MARCHF6: variants seen among roughly 807,000 people sequenced by gnomAD.
The protein encoded by MARCHF6 is E3 ubiquitin-protein ligase MARCHF6.
MARCHF6 carries 31 observed loss-of-function variants against 133.7 expected under a neutral mutation model. The ratio of observed to expected loss-of-function variants is 0.23; its 90% CI spans 0.17 to 0.31. MARCHF6 has a LOEUF of 0.31. Among genes scored for constraint, MARCHF6 ranks in the 10% least tolerant of loss-of-function variants. MARCHF6 has a pLI of 1.00. For missense variants in MARCHF6, 723 were observed against 1,121.6 expected, an observed-to-expected ratio of 0.64 and a Z score of 5.08; for synonymous variants, 395 against 402.5, an observed-to-expected ratio of 0.98 and a Z score of 0.22.
At chr5:10,419,566 A>T (rs761531945) in intron 22 of MARCHF6, among the ~76,000 whole-genome samples, 2 of 151,722 alleles carry the variant, frequency 1.3e-5, no homozygotes, top group Admixed American at 6.6e-5. Flanking sequence ...TAAGAGCCGT[A>T]TTCCAGAGTA....
chr5:10,381,110 G>A (rs766576188), intron 3 of MARCHF6, among the ~76,000 whole-genome samples: 1 of 152,002 alleles, frequency 6.6e-6, no homozygotes, highest in Non-Finnish European at 1.5e-5. Flanking sequence ...TGTTCTTTCC[G>A]AGCTACCTGT....
At chr5:10,371,038 T>C (rs1200517674) in intron 1 of MARCHF6, among the ~76,000 whole-genome samples, 2 of 152,206 alleles carry the variant, frequency 1.3e-5, no homozygotes, top group African/African-American at 4.8e-5. Context: ...GAGAGTACTC[T>C]TGGAATTGGG....
chr5:10,390,105 A>G (rs867393137), intron 5 of MARCHF6, among the ~76,000 whole-genome samples: 2 of 152,196 alleles, frequency 1.3e-5, no homozygotes, highest in African/African-American at 2.4e-5. Context: ...AATAAAATAC[A>G]TAATACAAGT....
chr5:10,372,405 C>A (rs1265082216), intron 1 of MARCHF6, among the ~76,000 whole-genome samples: 8 of 152,088 alleles, frequency 5.3e-5, no homozygotes, highest in Non-Finnish European at 1.0e-4. Context: ...TTAATCCATT[C>A]ATTAGAATTT....
At chr5:10,357,861 A>T (rs900390821) in intron 1 of MARCHF6, among the ~76,000 whole-genome samples, 1 of 152,228 alleles carries the variant, frequency 6.6e-6, no homozygotes, top group Non-Finnish European at 1.5e-5. Flanking sequence ...GCTTAAGACA[A>T]AATAAACATG....
chr5:10,363,636 A>C (rs1735954903), intron 1 of MARCHF6, among the ~76,000 whole-genome samples: 1 of 152,228 alleles, frequency 6.6e-6, no homozygotes, highest in South Asian at 2.1e-4. Context: ...AAGAGAATTC[A>C]AAAAATATAT....
chr5:10,388,328 G>A (rs1737612075), intron 5 of MARCHF6, among the ~76,000 whole-genome samples: 2 of 152,020 alleles, frequency 1.3e-5, no homozygotes, highest in South Asian at 4.2e-4. Context: ...CTTTTTTTCT[G>A]AGTAATGTTT....
intron 2 of MARCHF6, among the ~76,000 whole-genome samples, chr5:10,378,172 T>C (rs1466706962): frequency 6.6e-6 from 1 of 152,212 alleles, no homozygotes; most frequent in Non-Finnish European, 1.5e-5. Flanking sequence ...ATGGAGAGCT[T>C]ATTTTGTCCT....
At chr5:10,375,729 A>C (rs1413761253) in intron 1 of MARCHF6, among the ~76,000 whole-genome samples, 1 of 152,012 alleles carries the variant, frequency 6.6e-6, no homozygotes, top group Admixed American at 6.5e-5. Context: ...ACCAGTTGAC[A>C]CTCTGTATCT....
Position 10,435,388 on chromosome 5 carries a change from A to G in MARCHF6, c.*1704A>G, listed in dbSNP as rs563770291. 7.2e-5 allele frequency: 11 copies of G among 151,768 alleles called. No individual in the cohort carries two copies. Among genetic ancestry groups the G allele is most frequent in the African/African-American group, 2.7e-4 (11 of 41,332 alleles). 9.4% of individuals were successfully genotyped at this position (151,768 alleles called of 1,614,324 possible). A position where few individuals can be genotyped will look rare whatever the true frequency, so the allele number is the denominator to read the frequency against. ...AACCTAGGCAAAATTGGAAAAAAAA[A>G]AAAAAATCAGTATCAGAAATAATGC... is the stretch of plus-strand genomic sequence containing the variant. On this transcript the variant is annotated 3_prime_UTR_variant, in exon 26 of 26. Transcript: ENST00000274140.
chr5:10,426,601 A>T (rs1740099183), intron 24 of MARCHF6, 79 bp downstream of exon 24: 1 of 1,443,186 alleles, frequency 6.9e-7, no homozygotes, highest in East Asian at 2.3e-5. Flanking sequence ...AGTAAAAAGG[A>T]TGTCTCACTC....
chr5:10,425,343 G>T (rs902276986), intron 23 of MARCHF6, among the ~76,000 whole-genome samples: 9 of 152,156 alleles, frequency 5.9e-5, no homozygotes, highest in Admixed American at 2.0e-4. Flanking sequence ...CTCTAGAATG[G>T]CCAGGTTAGC....
At chr5:10,376,214 C>G (rs1225216531) in intron 1 of MARCHF6, among the ~76,000 whole-genome samples, 1 of 152,212 alleles carries the variant, frequency 6.6e-6, no homozygotes, top group Non-Finnish European at 1.5e-5. Flanking sequence ...CTTTTATGAG[C>G]TGTAACACTC....
intron 1 of MARCHF6, among the ~76,000 whole-genome samples, chr5:10,357,299 T>G (rs926674290): frequency 1.3e-5 from 2 of 151,736 alleles, no homozygotes; most frequent in Non-Finnish European, 2.9e-5. Flanking sequence ...AAAGATAATA[T>G]TAAACATTTT....
Position 10,413,007 on chromosome 5 carries a change from C to T in MARCHF6, c.1897-1426C>T, listed in dbSNP as rs533376410. Among the ~76,000 whole-genome samples the T allele has an allele frequency of 1.6e-4, 24 of 152,132 alleles. No individual in the cohort carries two copies. In the East Asian group the frequency reaches 4.1e-3, roughly 26 times the overall value. On this transcript the variant is annotated intron_variant, in intron 19 of 25. Coordinates refer to ENST00000274140, the MANE Select transcript of MARCHF6 (RefSeq NM_005885.4). ...GGACAAGAGGAGTGGTGGGAGATAA[C>T]GCTCTTGAATGGGCAGGAACCAGAT...
intron 1 of MARCHF6, 156 bp downstream of exon 1, chr5:10,354,073 A>G (rs1579503995): frequency 3.1e-6 from 2 of 635,474 alleles, no homozygotes; most frequent in East Asian, 7.3e-5. Context: ...GGGGAGCGGA[A>G]GGTGACCCTC....
intron 1 of MARCHF6, among the ~76,000 whole-genome samples, chr5:10,356,343 ATTTAT>A (rs56348470): frequency 0.075 from 7,642 of 101,288 alleles, 282 homozygotes; most frequent in East Asian, 0.1. Flanking sequence ...TCTGTTTTTT[ATTTAT>A]TTTATTTTAT....
At chr5:10,429,816 T>TGCCCC in intron 24 of MARCHF6, 77 bp from the exon 25 acceptor site, 2 of 1,240,328 alleles carry the variant, frequency 1.6e-6, no homozygotes, top group Non-Finnish European at 2.3e-6. Flanking sequence ...TCCATTCTTC[T>TGCCCC]AGGGGAAGGA....
intron 6 of MARCHF6, among the ~76,000 whole-genome samples, chr5:10,390,843 A>T (rs1481494498): frequency 6.6e-6 from 1 of 152,186 alleles, no homozygotes; most frequent in Non-Finnish European, 1.5e-5. Context: ...ACATTTTTTT[A>T]AAAATGTATT....
Sources: allele counts gnomAD v4.1 joint callset (sites outside exome capture counted in the v4.1 genomes callset), GRCh38; gene constraint gnomAD v4.1.1; transcripts MANE v1.5; gene names NCBI Gene and HGNC (gene_info 2026-07-23, HGNC 2026-07-21).